Variants in SDK1 observed in about 807,000 individuals in gnomAD.
SDK1 encodes protein sidekick-1.
SDK1 carries 157 observed loss-of-function variants against 245.5 expected under a neutral mutation model. That is an observed-to-expected ratio of 0.64 (90% confidence interval 0.56 to 0.73). The LOEUF (loss-of-function observed/expected upper bound fraction) is 0.73. Among genes scored for constraint, SDK1 ranks in the 30% least tolerant of loss-of-function variants. SDK1 has a pLI of 0.00. For missense variants in SDK1, 3,583 were observed against 3,002.3 expected (o/e 1.19, Z -4.52); for synonymous variants, 1,647 against 1,278.5 (o/e 1.29, Z -6.15).
chr7:3,371,896 A>G (rs1180006405), intron 1 of SDK1, among the ~76,000 whole-genome samples: 3 of 152,340 alleles, frequency 2.0e-5, no homozygotes, highest in East Asian at 1.9e-4. Context: ...ACTTAGATCT[A>G]TCCTCACAAT....
chr7:4,158,650 G>C, intron 31 of SDK1, 99 bp downstream of exon 31: 1 of 790,346 alleles, frequency 1.3e-6, no homozygotes, highest in South Asian at 1.5e-5. Flanking sequence ...GGGGCCACCA[G>C]GGAGTGGTGG....
chr7:3,841,068 A>C (rs1267872941), intron 5 of SDK1, among the ~76,000 whole-genome samples: 1 of 152,182 alleles, frequency 6.6e-6, no homozygotes, highest in Non-Finnish European at 1.5e-5. Context: ...ACTTGTCTCC[A>C]ATCCCAGGGA....
At chr7:3,572,510 C>T (rs914793593) in intron 1 of SDK1, among the ~76,000 whole-genome samples, 1 of 151,934 alleles carries the variant, frequency 6.6e-6, no homozygotes, top group South Asian at 2.1e-4. Context: ...AGATAGCTGG[C>T]GTGTGCGAGA....
At position 3,778,281 on chromosome 7, in the gene SDK1, C is replaced by G. The variant is rs116257567; in HGVS notation, c.714-43169C>G. The stretch of plus-strand genomic sequence containing the variant: ...TTAGTCCATATTTTAATAGTAGTTT[C>G]CTAAAGAAAATATCTCAGCATGAAA... On this transcript the variant is annotated intron_variant, in intron 4 of 44. Coordinates refer to ENST00000404826, the MANE Select transcript of SDK1 (RefSeq NM_152744.4). Among the ~76,000 whole-genome samples, 306 of 151,730 alleles carry G rather than the reference C, an allele frequency of 2.0e-3. 2 individuals are homozygous for G. The highest frequency in any genetic ancestry group is 7.1e-3 in the African/African-American group (292 of 41,176).
At chr7:3,559,465 G>T (rs913218937) in intron 1 of SDK1, among the ~76,000 whole-genome samples, 3 of 152,106 alleles carry the variant, frequency 2.0e-5, no homozygotes, top group African/African-American at 7.2e-5. Flanking sequence ...GGAGAAAGAT[G>T]AATGTTTCAA....
At position 3,469,912 on chromosome 7, in the gene SDK1, A is replaced by G. The variant is rs560797238; in HGVS notation, c.299-149168A>G. Among the ~76,000 whole-genome samples, 6 of 152,330 alleles carry G rather than the reference A, an allele frequency of 3.9e-5. No individual in the cohort carries two copies. In the East Asian group the frequency reaches 7.7e-4, roughly 20 times the overall value. On this transcript the variant is annotated intron_variant, in intron 1 of 44. Transcript: ENST00000404826. ...CATACGAAAATAAGTATGCTAGTCA[A>G]TGGTTTCATCCTAAGTTATAGATTG...
At chr7:3,343,959 A>G (rs1342065193) in intron 1 of SDK1, among the ~76,000 whole-genome samples, 2 of 152,116 alleles carry the variant, frequency 1.3e-5, no homozygotes, top group East Asian at 3.9e-4. Flanking sequence ...GACATTTATG[A>G]AGAGGATAAA....
intron 1 of SDK1, among the ~76,000 whole-genome samples, chr7:3,401,867 A>G (rs1039999776): frequency 1.3e-5 from 2 of 152,144 alleles, no homozygotes; most frequent in East Asian, 1.9e-4. Context: ...AAATGTTATC[A>G]CTATTTAACT....
chr7:3,977,738 G>T (rs1240409009), intron 13 of SDK1, among the ~76,000 whole-genome samples: 3 of 152,220 alleles, frequency 2.0e-5, no homozygotes, highest in African/African-American at 7.2e-5. Context: ...ATATCTTCAT[G>T]GCTCCCTCTC....
intron 1 of SDK1, among the ~76,000 whole-genome samples, chr7:3,402,675 A>T (rs1357840670): frequency 6.6e-6 from 1 of 152,146 alleles, no homozygotes; most frequent in Admixed American, 6.6e-5. Flanking sequence ...GTTTAAATCA[A>T]AAAGTTGTTT....
At chr7:3,309,932 G>C (rs970073556) in intron 1 of SDK1, among the ~76,000 whole-genome samples, 1 of 152,166 alleles carries the variant, frequency 6.6e-6, no homozygotes, top group Non-Finnish European at 1.5e-5. Flanking sequence ...TAGAAACTCA[G>C]TCTGAACTAC....
intron 1 of SDK1, among the ~76,000 whole-genome samples, chr7:3,310,547 C>A (rs763235593): frequency 6.6e-6 from 1 of 152,096 alleles, no homozygotes; most frequent in African/African-American, 2.4e-5. Flanking sequence ...AGGTGACGTC[C>A]AGGTTTCTGG....
chr7:3,562,129 G>A (rs973039799), intron 1 of SDK1, among the ~76,000 whole-genome samples: 1 of 152,146 alleles, frequency 6.6e-6, no homozygotes, highest in African/African-American at 2.4e-5. Flanking sequence ...TGTTCACCTG[G>A]GGAATAGAAC....
At chr7:3,845,412 C>T (rs1334886155) in intron 5 of SDK1, among the ~76,000 whole-genome samples, 2 of 148,380 alleles carry the variant, frequency 1.3e-5, no homozygotes, top group East Asian at 2.0e-4. Context: ...ATCGCTTGAA[C>T]CCGGGTGGCA....
chr7:3,740,108 T>C (rs959403260), intron 4 of SDK1, among the ~76,000 whole-genome samples: 1 of 152,188 alleles, frequency 6.6e-6, no homozygotes, highest in African/African-American at 2.4e-5. Context: ...TGTGTGTGTG[T>C]TGAGGCTTGC....
chr7:3,322,906 T>G (rs1170370404), intron 1 of SDK1, among the ~76,000 whole-genome samples: 6 of 152,010 alleles, frequency 3.9e-5, no homozygotes, highest in Non-Finnish European at 8.8e-5. Context: ...ACCTCCCAGG[T>G]TCAAACAGTC....
chr7:4,080,576 G>A (rs759454039), intron 22 of SDK1, among the ~76,000 whole-genome samples: 2 of 152,190 alleles, frequency 1.3e-5, no homozygotes, highest in Non-Finnish European at 2.9e-5. Context: ...ATTTCTGAAA[G>A]TCTAAGGAGG....
intron 42 of SDK1, among the ~76,000 whole-genome samples, chr7:4,241,493 CAAA>C (rs993975273): frequency 2.6e-5 from 4 of 151,906 alleles, no homozygotes; most frequent in Non-Finnish European, 1.5e-5. Flanking sequence ...AACAAAAAAT[CAAA>C]AAAAGTTTAT....
At chr7:3,315,869 T>C (rs1779651770) in intron 1 of SDK1, among the ~76,000 whole-genome samples, 1 of 152,170 alleles carries the variant, frequency 6.6e-6, no homozygotes, top group African/African-American at 2.4e-5. Context: ...AATTATTGTT[T>C]TGGGCCTTAT....
Sources: gnomAD v4.1 joint callset for allele counts (sites outside exome capture counted in the v4.1 genomes callset) on GRCh38, gnomAD v4.1.1 for gene constraint, MANE v1.5 for transcripts, NCBI Gene and HGNC (gene_info 2026-07-23, HGNC 2026-07-21) for gene names.